TSHR: variants seen among roughly 807,000 people sequenced by gnomAD.
The protein encoded by TSHR is thyroid stimulating hormone receptor.
A neutral mutation model predicts 64.1 loss-of-function variants in TSHR; 51 were observed. The observed-to-expected ratio is 0.80, with a 90% CI of 0.64 to 1.01. TSHR has a LOEUF of 1.01. Among genes scored for constraint, TSHR ranks in the 50% least tolerant of loss-of-function variants. TSHR has a pLI of 0.00. For synonymous variants in TSHR, 361 were observed against 361.9 expected (o/e 1.00, Z 0.03); for missense variants, 877 against 942.8 (o/e 0.93, Z 0.91).
intron 1 of TSHR, among the ~76,000 whole-genome samples, chr14:81,014,588 A>G (rs1370029319): frequency 6.6e-6 from 1 of 152,120 alleles, no homozygotes; most frequent in Non-Finnish European, 1.5e-5. Context: ...ATGGCACTGT[A>G]TGGTCAATGC....
chr14:80,987,704 T>C (rs1303906657), intron 1 of TSHR, among the ~76,000 whole-genome samples: 1 of 152,122 alleles, frequency 6.6e-6, no homozygotes, highest in Non-Finnish European at 1.5e-5. Context: ...CCTCAGATAC[T>C]AGTATCTTCC....
intron 8 of TSHR, among the ~76,000 whole-genome samples, chr14:81,135,581 G>A (rs917675678): frequency 2.6e-5 from 4 of 152,134 alleles, no homozygotes; most frequent in African/African-American, 7.2e-5. Flanking sequence ...TGATTGGGGT[G>A]GGGGGTTCTT....
At chr14:81,128,425 A>G (rs1427577275) in intron 8 of TSHR, among the ~76,000 whole-genome samples, 1 of 152,218 alleles carries the variant, frequency 6.6e-6, no homozygotes, top group Admixed American at 6.5e-5. Flanking sequence ...CTGGTACATC[A>G]GGTCAACCCC....
At chr14:81,126,334 G>A (rs967268802) in intron 8 of TSHR, among the ~76,000 whole-genome samples, 4 of 152,020 alleles carry the variant, frequency 2.6e-5, no homozygotes, top group African/African-American at 4.8e-5. Context: ...TATCATCCCC[G>A]AAAGATTTTT....
At chr14:81,088,400 A>T (rs1319256364) in intron 4 of TSHR, among the ~76,000 whole-genome samples, 1 of 152,230 alleles carries the variant, frequency 6.6e-6, no homozygotes, top group Non-Finnish European at 1.5e-5. Context: ...CAGGAAAAAA[A>T]ACCCACAAAG....
At chr14:81,104,936 T>C in intron 7 of TSHR, 2 of 985,418 alleles carry the variant, frequency 2.0e-6, no homozygotes, top group African/African-American at 3.5e-5. Flanking sequence ...TTAAAGGAAA[T>C]ACCAGTTCTT....
At chr14:81,038,594 A>T (rs1217767258) in intron 1 of TSHR, among the ~76,000 whole-genome samples, 1 of 151,172 alleles carries the variant, frequency 6.6e-6, no homozygotes, top group Non-Finnish European at 1.5e-5. Flanking sequence ...CTTTCGCTAG[A>T]CAAAGAAAAA....
chr14:80,957,422 C>A (rs1393730360), intron 1 of TSHR, among the ~76,000 whole-genome samples: 10 of 151,896 alleles, frequency 6.6e-5, no homozygotes, highest in African/African-American at 2.4e-4. Context: ...CCATTCAACC[C>A]CGAATTCCTG....
At chr14:81,081,677 T>A (rs1887916644) in intron 3 of TSHR, among the ~76,000 whole-genome samples, 1 of 152,264 alleles carries the variant, frequency 6.6e-6, no homozygotes, top group Non-Finnish European at 1.5e-5. Flanking sequence ...TTAAAATTAA[T>A]TTACCTATTT....
chr14:81,001,472 A>T (rs1889313632), intron 1 of TSHR: 1 of 507,936 alleles, frequency 2.0e-6, no homozygotes, highest in Non-Finnish European at 3.9e-6. Flanking sequence ...TGACCTGAGA[A>T]TCTACATCTA....
At chr14:81,091,512 TTTTG>T (rs1159838827) in intron 5 of TSHR, among the ~76,000 whole-genome samples, 4 of 152,180 alleles carry the variant, frequency 2.6e-5, no homozygotes, top group Admixed American at 2.0e-4. Context: ...GGAGAAAAGA[TTTTG>T]TTTGTGTGTT....
At chr14:81,137,144 C>T (rs1324706603) in intron 8 of TSHR, among the ~76,000 whole-genome samples, 1 of 152,170 alleles carries the variant, frequency 6.6e-6, no homozygotes, top group Non-Finnish European at 1.5e-5. Context: ...AATGCAGATT[C>T]CCAGCCTCCA....
chr14:81,037,155 T>C (rs1294478095), intron 1 of TSHR, among the ~76,000 whole-genome samples: 1 of 151,814 alleles, frequency 6.6e-6, no homozygotes, highest in Non-Finnish European at 1.5e-5. Flanking sequence ...AAAAAAATGT[T>C]TTTAATAAAA....
Position 81,144,270 on chromosome 14 carries a change from G to T in TSHR, c.2212G>T (p.Val738Phe). ...GCAGGGTCTCCACAACATGGAAGAT[G>T]TCTATGAACTGATTGAAAACTCCCA... is the stretch of plus-strand genomic sequence containing the variant. Reference protein sequence around the residue: ...MRQGLHNMEDVYELIENSHLT... With the variant: ...MRQGLHNMEDFYELIENSHLT... The change falls in exon 10 of 10, where the codon GTC becomes TTC. Residue 738 changes from valine to phenylalanine, a missense_variant. By Grantham distance (50) the Val-to-Phe change is conservative. Coordinates refer to ENST00000298171, the MANE Select transcript of TSHR (RefSeq NM_000369.5). The T allele has an allele frequency of 1.2e-6, 2 of 1,614,106 alleles. No homozygotes were observed. The highest frequency in any genetic ancestry group is 1.7e-6 in the Non-Finnish European group (2 of 1,180,006).
At chr14:81,083,762 T>C (rs1888080168) in intron 3 of TSHR, among the ~76,000 whole-genome samples, 1 of 152,214 alleles carries the variant, frequency 6.6e-6, no homozygotes. Flanking sequence ...TACCTGAGAC[T>C]GGGTAATTTA....
chr14:81,088,074 G>A (rs369893130), intron 4 of TSHR, 46 bp downstream of exon 4: 162 of 1,457,050 alleles, frequency 1.1e-4, no homozygotes, highest in Non-Finnish European at 1.5e-4. Context: ...GGGGGAGGGG[G>A]TCAGATTTAA....
At chr14:81,031,995 G>A (rs1280483347) in intron 1 of TSHR, among the ~76,000 whole-genome samples, 2 of 152,160 alleles carry the variant, frequency 1.3e-5, no homozygotes, top group Non-Finnish European at 2.9e-5. Flanking sequence ...ACACGACACT[G>A]CCAAATAAGC....
chr14:81,128,592 G>C (rs1447012100), intron 8 of TSHR, among the ~76,000 whole-genome samples: 1 of 152,074 alleles, frequency 6.6e-6, no homozygotes, highest in Non-Finnish European at 1.5e-5. Flanking sequence ...TGTGCTGTTT[G>C]TCTCCCACCC....
intron 3 of TSHR, among the ~76,000 whole-genome samples, chr14:81,082,253 T>C (rs1887957524): frequency 6.6e-6 from 1 of 152,250 alleles, no homozygotes; most frequent in Non-Finnish European, 1.5e-5. Flanking sequence ...GAAGCCTGAG[T>C]AGGCCTGAAC....
Sources: allele counts gnomAD v4.1 joint callset (sites outside exome capture counted in the v4.1 genomes callset), GRCh38; gene constraint gnomAD v4.1.1; transcripts MANE v1.5; gene names NCBI Gene and HGNC (gene_info 2026-07-23, HGNC 2026-07-21).